Variants in COL25A1 observed in about 807,000 individuals in gnomAD.
The protein encoded by COL25A1 is collagen type XXV alpha 1 chain.
In COL25A1, 103 loss-of-function variants were observed where a neutral mutation model predicts 128.4. The observed-to-expected ratio is 0.80, with a 90% CI of 0.68 to 0.94. The LOEUF is 0.94. Among genes scored for constraint, COL25A1 ranks in the 40% least tolerant of loss-of-function variants. The probability of loss-of-function intolerance (pLI) is 0.00; values close to 1 mark genes in which losing one functional copy is unlikely to be tolerated. For missense variants in COL25A1, 745 were observed against 840.0 expected (o/e 0.89, Z 1.40); for synonymous variants, 279 against 277.2 (o/e 1.01, Z -0.06).
intron 3 of COL25A1, among the ~76,000 whole-genome samples, chr4:109,212,317 C>T (rs750465173): frequency 3.3e-5 from 5 of 152,122 alleles, no homozygotes; most frequent in African/African-American, 4.8e-5. Context: ...TGGCCAGCAG[C>T]TAATGCTAGC....
intron 5 of COL25A1, among the ~76,000 whole-genome samples, chr4:109,019,161 T>C (rs1451057084): frequency 6.6e-6 from 1 of 151,724 alleles, no homozygotes; most frequent in African/African-American, 2.4e-5. Flanking sequence ...CAGAAAAACA[T>C]GAAAAAGAGA....
rs10033302 is a variant in COL25A1 at position 109,251,946 on chromosome 4, G to A, written c.367+48637C>T. 3.7e-3 allele frequency among the ~76,000 whole-genome samples: 560 copies of A among 152,326 alleles called. 3 individuals are homozygous for A. Among genetic ancestry groups the A allele is most frequent in the African/African-American group, 0.012 (519 of 41,570 alleles). ...TGGCACTGTAACTGAGGCTTCAAAA[G>A]GCCTCTCCACCACCTTTCAAGCCAG... On this transcript the variant is annotated intron_variant, in intron 3 of 37. Coordinates refer to ENST00000399132, the MANE Select transcript of COL25A1 (RefSeq NM_198721.4).
chr4:109,154,020 A>G (rs890836101), intron 3 of COL25A1, among the ~76,000 whole-genome samples: 7 of 152,216 alleles, frequency 4.6e-5, no homozygotes, highest in Non-Finnish European at 1.0e-4. Flanking sequence ...TTGAGCAAAC[A>G]AAAGTTTAAA....
intron 5 of COL25A1, among the ~76,000 whole-genome samples, chr4:109,042,614 A>G (rs774191620): frequency 6.6e-5 from 10 of 152,126 alleles, no homozygotes; most frequent in Non-Finnish European, 1.3e-4. Flanking sequence ...ATACCCTGCT[A>G]TTATAGAAAA....
chr4:108,817,442 TA>T lies in COL25A1; in HGVS notation c.1924-8del. The T allele has an allele frequency of 1.9e-6, 3 of 1,612,842 alleles. No individual in the cohort carries two copies. Among genetic ancestry groups the T allele is most frequent in the Non-Finnish European group, 2.5e-6 (3 of 1,179,054 alleles). On this transcript the variant is annotated splice_region_variant and splice_polypyrimidine_tract_variant and intron_variant, in intron 36 of 37. Transcript: ENST00000399132. Reference sequence around the variant, plus strand: ...TGGGTAAGCCATCTGGCCCCTGTTTTAAAGAGAAGAAAAAGAATTCCTCAGG... The same window carrying T: ...TGGGTAAGCCATCTGGCCCCTGTTTTAAGAGAAGAAAAAGAATTCCTCAGG...
chr4:108,951,004 T>C (rs183026322), intron 8 of COL25A1, among the ~76,000 whole-genome samples: 2 of 152,304 alleles, frequency 1.3e-5, no homozygotes, highest in Non-Finnish European at 2.9e-5. Flanking sequence ...GACCCTGGCA[T>C]TGCAGTGAAG....
At chr4:109,115,022 T>C (rs976236957) in intron 3 of COL25A1, among the ~76,000 whole-genome samples, 3 of 152,048 alleles carry the variant, frequency 2.0e-5, no homozygotes, top group Non-Finnish European at 4.4e-5. Context: ...TTATTAAAAA[T>C]TTATGAACAT....
At chr4:109,138,422 T>C (rs1770025074) in intron 3 of COL25A1, among the ~76,000 whole-genome samples, 1 of 152,340 alleles carries the variant, frequency 6.6e-6, no homozygotes, top group Non-Finnish European at 1.5e-5. Flanking sequence ...GTCTTTGCTA[T>C]TGTGAATAGT....
intron 6 of COL25A1, among the ~76,000 whole-genome samples, chr4:108,982,279 G>A (rs1182563945): frequency 1.3e-5 from 2 of 152,132 alleles, no homozygotes; most frequent in Non-Finnish European, 2.9e-5. Flanking sequence ...AATGTCCTGG[G>A]GGGACGGTGG....
At chr4:109,093,306 A>G (rs761592197) in intron 3 of COL25A1, among the ~76,000 whole-genome samples, 5 of 152,098 alleles carry the variant, frequency 3.3e-5, no homozygotes, top group Non-Finnish European at 7.4e-5. Flanking sequence ...CGTCTCAATT[A>G]ATTTAATCCT....
At chr4:108,995,019 G>A (rs1329522589) in intron 6 of COL25A1, among the ~76,000 whole-genome samples, 1 of 152,166 alleles carries the variant, frequency 6.6e-6, no homozygotes, top group Non-Finnish European at 1.5e-5. Flanking sequence ...AGAAACCAGA[G>A]CAGAAAAGCT....
At chr4:109,173,077 T>C (rs1224540783) in intron 3 of COL25A1, among the ~76,000 whole-genome samples, 1 of 152,136 alleles carries the variant, frequency 6.6e-6, no homozygotes, top group East Asian at 1.9e-4. Context: ...AACCATACTT[T>C]AAGGTGTGAG....
Position 109,293,364 on chromosome 4 carries a change from T to C in COL25A1, c.367+7219A>G, listed in dbSNP as rs1301179431. Among the ~76,000 whole-genome samples the C allele has an allele frequency of 2.0e-5, 3 of 152,002 alleles. No individual in the cohort carries two copies. In the East Asian group the frequency reaches 5.8e-4, roughly 29 times the overall value. ...ATAAAGGGGGCTTTTTCCTCCCCTC[T>C]TTTACTCTCCTTACACGTGAACTCT... is the stretch of plus-strand genomic sequence containing the variant. On this transcript the variant is annotated intron_variant, in intron 3 of 37. Transcript: ENST00000399132.
In COL25A1 at chr4:109,171,946, C is replaced by T. The variant is rs568071911; in HGVS notation, c.368-121767G>A. ...ATGGGTCTCTGTGCTGACACAGAGA[C>T]AGAGATATCCCAGGGAATAAGGCCT... is the stretch of plus-strand genomic sequence containing the variant. On this transcript the variant is annotated intron_variant, in intron 3 of 37. Transcript: ENST00000399132. Among the ~76,000 whole-genome samples the T allele has an allele frequency of 1.1e-3, 164 of 152,188 alleles. 1 individual carries two copies. Among genetic ancestry groups the T allele is most frequent in the African/African-American group, 3.8e-3 (159 of 41,540 alleles).
chr4:108,943,660 C>T (rs1748396771), intron 8 of COL25A1, among the ~76,000 whole-genome samples: 1 of 152,098 alleles, frequency 6.6e-6, no homozygotes, highest in Non-Finnish European at 1.5e-5. Context: ...ATTCCTTATC[C>T]AAGGAGAACA....
intron 3 of COL25A1, among the ~76,000 whole-genome samples, chr4:109,240,391 A>G (rs1011987785): frequency 2.6e-5 from 4 of 152,008 alleles, no homozygotes; most frequent in African/African-American, 9.7e-5. Flanking sequence ...TTAAAATCTG[A>G]TGGGTCATAT....
Position 108,838,041 on chromosome 4 carries a change from T to C in COL25A1, c.1656+3654A>G, listed in dbSNP as rs560547934. ...TGCTGAGTAAACCAGAGTTATCATG[T>C]AGGGTAGAAAGAAAAATCTGAGATT... On this transcript the variant is annotated intron_variant, in intron 31 of 37. Transcript: ENST00000399132. The C allele has an allele frequency of 2.5e-5, 30 of 1,194,700 alleles. No individual in the cohort carries two copies. In the African/African-American group the frequency reaches 2.7e-4, roughly 11 times the overall value. The allele number at this position is 1,194,700 out of a possible 1,614,324, so 74.0% of individuals were successfully genotyped here. A position where few individuals can be genotyped will look rare whatever the true frequency, so the allele number is the denominator to read the frequency against.
chr4:108,907,982 C>A (rs1199217485), intron 13 of COL25A1, among the ~76,000 whole-genome samples: 1 of 152,146 alleles, frequency 6.6e-6, no homozygotes, highest in Non-Finnish European at 1.5e-5. Flanking sequence ...TATTTGCTTT[C>A]TTCCAACTCT....
At chr4:109,184,549 G>T (rs1774968168) in intron 3 of COL25A1, among the ~76,000 whole-genome samples, 1 of 152,126 alleles carries the variant, frequency 6.6e-6, no homozygotes, top group Non-Finnish European at 1.5e-5. Flanking sequence ...CCAAAGTGAT[G>T]GTCAGTAGCC....
Sources: allele counts gnomAD v4.1 joint callset (sites outside exome capture counted in the v4.1 genomes callset), GRCh38; gene constraint gnomAD v4.1.1; transcripts MANE v1.5; gene names NCBI Gene and HGNC (gene_info 2026-07-23, HGNC 2026-07-21).